The following DMXL1 variants were observed in gnomAD, a reference collection of about 807,000 sequenced individuals.
The protein encoded by DMXL1 is Dmx like 1, also known as dmX-like protein 1.
Under a neutral mutation model 319.2 loss-of-function variants are expected in DMXL1, and 99 were observed. That is an observed-to-expected ratio of 0.31 (90% CI 0.26 to 0.37). The LOEUF (loss-of-function observed/expected upper bound fraction) is 0.37. DMXL1 is among the 10% of genes least tolerant of loss of function. The pLI is 1.00. For synonymous variants in DMXL1, 1,385 were observed against 1,235.2 expected (o/e 1.12, Z -2.54); for missense variants, 3,745 against 3,595.6 (o/e 1.04, Z -1.06).
intron 5 of DMXL1, 45 bp downstream of exon 5, chr5:119,110,328 A>G (rs371482414): frequency 7.6e-6 from 11 of 1,456,522 alleles, no homozygotes; most frequent in East Asian, 2.6e-5. Flanking sequence ...CTGTTGTTCT[A>G]TGTGGTTTTA....
chr5:119,111,906 T>A (rs1389087929), intron 5 of DMXL1, among the ~76,000 whole-genome samples: 2 of 152,194 alleles, frequency 1.3e-5, no homozygotes, highest in Non-Finnish European at 2.9e-5. Context: ...TCTAATAGTG[T>A]TTAGAGAAAT....
intron 34 of DMXL1, among the ~76,000 whole-genome samples, chr5:119,211,677 G>T (rs2150520757): frequency 6.6e-6 from 1 of 152,198 alleles, no homozygotes; most frequent in Middle Eastern, 3.4e-3. Flanking sequence ...TTTCAGTTAT[G>T]CCTTCGGCAT....
At chr5:119,114,610 C>A in intron 6 of DMXL1, 69 bp downstream of exon 6, 1 of 973,816 alleles carries the variant, frequency 1.0e-6, no homozygotes. Flanking sequence ...AAAACATCAA[C>A]TGGCTTCATT....
chr5:119,206,113 A>G (rs796362750), intron 33 of DMXL1, among the ~76,000 whole-genome samples: 36 of 152,190 alleles, frequency 2.4e-4, no homozygotes, highest in African/African-American at 7.2e-4. Flanking sequence ...TTAAAATAGA[A>G]TGTCCTCCCT....
In DMXL1 at chr5:119,149,818, T is replaced by G; in HGVS notation, c.3991T>G (p.Leu1331Val). The G allele has an allele frequency of 6.2e-7, 1 of 1,613,954 alleles. No individual in the cohort carries two copies. The highest frequency in any genetic ancestry group is 8.5e-7 in the Non-Finnish European group (1 of 1,179,940). The change falls in exon 18 of 44, where the codon TTG becomes GTG. Residue 1331 changes from leucine to valine, a missense_variant. Physicochemically the swap from Leu to Val is conservative, Grantham distance 32. Transcript: ENST00000539542. ...TLPQYHPLQL[L>V]ELMDLGKVRR... is the part of the protein sequence containing the mutation. ...ACCTCAGTATCATCCCTTGCAGCTT[T>G]TGGAACTCATGGATCTTGGTAAAGT...
chr5:119,197,707 T>A (rs1271699645), intron 31 of DMXL1, 48 bp from the exon 32 acceptor site: 1 of 1,547,402 alleles, frequency 6.5e-7, no homozygotes, highest in African/African-American at 1.4e-5. Context: ...AAATTGAATA[T>A]GGCATTTTAC....
intron 8 of DMXL1, among the ~76,000 whole-genome samples, chr5:119,119,791 A>G (rs1019901796): frequency 6.6e-6 from 1 of 151,864 alleles, no homozygotes; most frequent in African/African-American, 2.4e-5. Flanking sequence ...GATTACAGGC[A>G]TAAGCCATGG....
chr5:119,119,757 T>A (rs1761630048), intron 8 of DMXL1, among the ~76,000 whole-genome samples: 1 of 152,124 alleles, frequency 6.6e-6, no homozygotes. Context: ...GTGATCTACC[T>A]GCCTCGGCCT....
At position 119,238,776 on chromosome 5, in the gene DMXL1, T is replaced by G. The variant is rs938554140; in HGVS notation, c.8560-213T>G. The G allele has an allele frequency of 1.0e-5, 5 of 500,634 alleles. No individual in the cohort carries two copies. The African/African-American group carries it at 1.0e-4, about 10-fold the overall frequency. 31.0% of individuals were successfully genotyped at this position (500,634 alleles called of 1,614,324 possible). On this transcript the variant is annotated intron_variant, in intron 40 of 43. Coordinates refer to ENST00000539542, the MANE Select transcript of DMXL1 (RefSeq NM_001290321.3). ...AAGAGAAGTAGAGGCAAAACAAATG[T>G]GCCAAAATGTTAAAAAGTTGCTGCA...
chr5:119,147,510 A>G (rs780994581), intron 17 of DMXL1, 40 bp downstream of exon 17: 2 of 1,385,648 alleles, frequency 1.4e-6, no homozygotes, highest in South Asian at 2.3e-5. Flanking sequence ...TTTGTAACAC[A>G]TGAGTATTTA....
chr5:119,185,917 A>C (rs1561824851), intron 28 of DMXL1, among the ~76,000 whole-genome samples: 1 of 152,130 alleles, frequency 6.6e-6, no homozygotes, highest in Non-Finnish European at 1.5e-5. Flanking sequence ...TTGGAAAATC[A>C]TGTTTTACAT....
intron 8 of DMXL1, among the ~76,000 whole-genome samples, chr5:119,119,918 TC>T (rs1384098415): frequency 6.6e-6 from 1 of 152,080 alleles, no homozygotes; most frequent in Non-Finnish European, 1.5e-5. Flanking sequence ...TCTCTGTCTG[TC>T]ACCCAGGATG....
At chr5:119,083,582 C>G (rs984897397) in intron 1 of DMXL1, among the ~76,000 whole-genome samples, 1 of 151,882 alleles carries the variant, frequency 6.6e-6, no homozygotes, top group Admixed American at 6.6e-5. Context: ...TGCTCTGTTG[C>G]CCAGGCTGGA....
At chr5:119,198,606 A>G (rs1388993534) in intron 32 of DMXL1, among the ~76,000 whole-genome samples, 1 of 152,238 alleles carries the variant, frequency 6.6e-6, no homozygotes, top group Non-Finnish European at 1.5e-5. Flanking sequence ...TACCAACATC[A>G]TTCTTAACAG....
chr5:119,121,987 C>T (rs1414172692), intron 9 of DMXL1, among the ~76,000 whole-genome samples: 22 of 143,352 alleles, frequency 1.5e-4, no homozygotes, highest in Admixed American at 6.8e-5. Flanking sequence ...TAGGGGCGGC[C>T]GGGCAGAGGC....
At chr5:119,220,155 C>T (rs1784410360) in intron 35 of DMXL1, among the ~76,000 whole-genome samples, 1 of 152,104 alleles carries the variant, frequency 6.6e-6, no homozygotes, top group Non-Finnish European at 1.5e-5. Flanking sequence ...TCAGCATCTT[C>T]CTCCACATTT....
At chr5:119,123,512 TTC>T (rs1489415039) in intron 9 of DMXL1, among the ~76,000 whole-genome samples, 1 of 151,892 alleles carries the variant, frequency 6.6e-6, no homozygotes, top group Non-Finnish European at 1.5e-5. Context: ...GCTCACTGAT[TTC>T]TGTTTGTTTG....
chr5:119,179,429 A>G (rs532617774), intron 28 of DMXL1, among the ~76,000 whole-genome samples: 1 of 151,982 alleles, frequency 6.6e-6, no homozygotes, highest in South Asian at 2.1e-4. Flanking sequence ...TTGTACATAT[A>G]GGTGTATGTG....
chr5:119,219,573 ATTT>A (rs1784305252), intron 35 of DMXL1, among the ~76,000 whole-genome samples: 1 of 151,374 alleles, frequency 6.6e-6, no homozygotes. Context: ...TAATTAATTT[ATTT>A]ATTTATTTAT....
Sources: allele counts gnomAD v4.1 joint callset (sites outside exome capture counted in the v4.1 genomes callset), GRCh38; gene constraint gnomAD v4.1.1; transcripts MANE v1.5; gene names NCBI Gene and HGNC (gene_info 2026-07-23, HGNC 2026-07-21).